PCDHGB2: variants seen among roughly 807,000 people sequenced by gnomAD.
The protein encoded by PCDHGB2 is protocadherin gamma subfamily B, 2.
A neutral mutation model predicts 59.3 loss-of-function variants in PCDHGB2; 55 were observed. The observed-to-expected ratio is 0.93, with a 90% CI of 0.75 to 1.16. The LOEUF (loss-of-function observed/expected upper bound fraction) is 1.16, where lower values mean the gene tolerates loss of function less well. Among genes scored for constraint, PCDHGB2 ranks in the 50% most tolerant of loss-of-function variants. The probability of loss-of-function intolerance (pLI) is 0.00; values close to 1 mark genes in which losing one functional copy is unlikely to be tolerated. For missense variants in PCDHGB2, 1,228 were observed against 1,198.5 expected (o/e 1.02, Z -0.36); for synonymous variants, 516 against 512.0 (o/e 1.01, Z -0.11).
Position 141,494,880 on chromosome 5 carries a change from C to T in PCDHGB2, c.2480+15C>T. On this transcript the variant is annotated intron_variant, in intron 2 of 3. Transcript: ENST00000522605. ...GGCACCAGCGGGTAGGTGACTGATT[C>T]TCCAGCCCACCCTCTTCTCTGCGGC... 3 of 1,614,158 alleles carry T rather than the reference C, an allele frequency of 1.9e-6. No homozygotes were observed. Among genetic ancestry groups the T allele is most frequent in the Non-Finnish European group, 1.7e-6 (2 of 1,180,012 alleles).
chr5:141,408,770 A>G, intron 1 of PCDHGB2: 1 of 1,611,540 alleles, frequency 6.2e-7, no homozygotes. Flanking sequence ...CGATGGTGGC[A>G]AATACCCAGA....
In PCDHGB2 at chr5:141,487,265, G is replaced by A; in HGVS notation, c.2422-7542G>A. 2 of 1,614,158 alleles carry A rather than the reference G, an allele frequency of 1.2e-6. 1 individual carries two copies. Among genetic ancestry groups the A allele is most frequent in the South Asian group, 2.2e-5 (2 of 91,084 alleles). On this transcript the variant is annotated intron_variant, in intron 1 of 3. Transcript: ENST00000522605. The surrounding 1 kb of genome is among the most constrained non-coding windows in gnomAD (Gnocchi z 5.0). Reference sequence around the variant, plus strand: ...AACCCTCTACTTGGCTGTGTCCCTAGTGGCAATTTGCTTTGTCTCCTTTGG... The same window carrying A: ...AACCCTCTACTTGGCTGTGTCCCTAATGGCAATTTGCTTTGTCTCCTTTGG...
intron 1 of PCDHGB2, among the ~76,000 whole-genome samples, chr5:141,460,684 T>C (rs1417815686): frequency 6.6e-6 from 1 of 152,074 alleles, no homozygotes; most frequent in Non-Finnish European, 1.5e-5. Context: ...TATCTATATA[T>C]CCACCAACAG....
At chr5:141,494,232 A>T (rs2099752983) in intron 1 of PCDHGB2, among the ~76,000 whole-genome samples, 1 of 152,168 alleles carries the variant, frequency 6.6e-6, no homozygotes, top group African/African-American at 2.4e-5. Flanking sequence ...TCCTAAATTA[A>T]TAATGTATTT....
intron 1 of PCDHGB2, chr5:141,409,017 G>T (rs745981387): frequency 3.1e-6 from 5 of 1,613,840 alleles, no homozygotes; most frequent in Non-Finnish European, 4.2e-6. Flanking sequence ...CAGGATGAGG[G>T]GGTCAATGCT....
chr5:141,441,993 G>T (rs577673608), intron 1 of PCDHGB2: 16 of 251,180 alleles, frequency 6.4e-5, no homozygotes, highest in East Asian at 3.9e-4. Flanking sequence ...CACCGACGAG[G>T]TGCTGACAGC....
chr5:141,496,943 T>C (rs1023861484), intron 2 of PCDHGB2, among the ~76,000 whole-genome samples: 2 of 151,258 alleles, frequency 1.3e-5, no homozygotes, highest in African/African-American at 2.4e-5. Flanking sequence ...CCCAGCACTT[T>C]GGGAGGCCAA....
At chr5:141,484,966 G>A in intron 1 of PCDHGB2, 1 of 583,968 alleles carries the variant, frequency 1.7e-6, no homozygotes. Context: ...GAGCCCGGGA[G>A]CCGCTGTCTG....
At chr5:141,422,965 C>T (rs2096693602) in intron 1 of PCDHGB2, 2 of 1,614,116 alleles carry the variant, frequency 1.2e-6, no homozygotes, top group African/African-American at 2.7e-5. Context: ...GGAGCTGGCG[C>T]CCCGCTCTGC....
chr5:141,469,581 A>G (rs543624370), intron 1 of PCDHGB2, among the ~76,000 whole-genome samples: 1 of 152,340 alleles, frequency 6.6e-6, no homozygotes, highest in Admixed American at 6.5e-5. Flanking sequence ...CTCTAAATAA[A>G]TAAATAAATA....
chr5:141,422,397 C>T (rs753017439), intron 1 of PCDHGB2: 4 of 1,597,606 alleles, frequency 2.5e-6, no homozygotes, highest in East Asian at 4.5e-5. Context: ...TTCCTAACCA[C>T]CTGCCTTTTA....
At chr5:141,497,807 T>G (rs2099779585) in intron 2 of PCDHGB2, among the ~76,000 whole-genome samples, 1 of 152,210 alleles carries the variant, frequency 6.6e-6, no homozygotes, top group African/African-American at 2.4e-5. Context: ...CCCAAAGTGC[T>G]AGAATTACAG....
At chr5:141,373,405 C>A (rs1435253016) in intron 1 of PCDHGB2, among the ~76,000 whole-genome samples, 1 of 152,208 alleles carries the variant, frequency 6.6e-6, no homozygotes, top group Non-Finnish European at 1.5e-5. Context: ...TGCCTGTAGT[C>A]CCAGCTACTC....
chr5:141,455,401 A>G (rs1252870027), intron 1 of PCDHGB2, among the ~76,000 whole-genome samples: 1 of 152,158 alleles, frequency 6.6e-6, no homozygotes, highest in Non-Finnish European at 1.5e-5. Context: ...TCCCCCTTAC[A>G]GAGACAGAGG....
In PCDHGB2 at chr5:141,486,110, G is replaced by A. The variant is rs780031943; in HGVS notation, c.2422-8697G>A. 1.2e-6 allele frequency: 2 copies of A among 1,614,162 alleles called. No individual in the cohort carries two copies. Among genetic ancestry groups the A allele is most frequent in the South Asian group, 1.1e-5 (1 of 91,078 alleles). On this transcript the variant is annotated intron_variant, in intron 1 of 3. Transcript: ENST00000522605. This position sits in a 1 kb window ranked among gnomAD's most constrained non-coding sequence, Gnocchi z 5.0. ...TTTGGGGCCCCTAGACTTTGAGAGT[G>A]AGAATTACTATGAATTTGATGTGCG...
At chr5:141,427,812 G>A (rs1380721111) in intron 1 of PCDHGB2, 1 of 1,524,286 alleles carries the variant, frequency 6.6e-7, no homozygotes, top group African/African-American at 1.4e-5. Context: ...CGCACAGAGC[G>A]GGGTGGTGGT....
At chr5:141,372,087 C>T in intron 1 of PCDHGB2, 1 of 1,613,740 alleles carries the variant, frequency 6.2e-7, no homozygotes, top group South Asian at 1.1e-5. Context: ...GGTGCTGTAC[C>T]CAGCTCTGGG....
rs545261528 is a variant in PCDHGB2 at position 141,404,038 on chromosome 5, G to C, written c.2421+41482G>C. 4.3e-6 allele frequency: 7 copies of C among 1,613,858 alleles called. No individual in the cohort carries two copies. The African/African-American group carries it at 8.0e-5, about 18-fold the overall frequency. ...GCCCAGTGAGAGAAGACGCACCTCA[G>C]GGAACAGTAATTCTTCTTTTCAATG... On this transcript the variant is annotated intron_variant, in intron 1 of 3. Coordinates refer to ENST00000522605, the MANE Select transcript of PCDHGB2 (RefSeq NM_018923.3).
intron 2 of PCDHGB2, among the ~76,000 whole-genome samples, chr5:141,500,027 G>C (rs1458308566): frequency 6.6e-6 from 1 of 151,808 alleles, no homozygotes; most frequent in Non-Finnish European, 1.5e-5. Flanking sequence ...ATATTTGAGT[G>C]AGTGTCTCTT....
Sources: allele counts gnomAD v4.1 joint callset (sites outside exome capture counted in the v4.1 genomes callset), GRCh38; gene constraint gnomAD v4.1.1; non-coding constraint Gnocchi (gnomAD v3.1); transcripts MANE v1.5; gene names NCBI Gene and HGNC (gene_info 2026-07-23, HGNC 2026-07-21).